SGSM2: variants seen among roughly 807,000 people sequenced by gnomAD.
SGSM2 encodes the protein small G protein signaling modulator 2, also known as RUN and TBC1 domain containing 1.
Under a neutral mutation model 126.6 loss-of-function variants are expected in SGSM2, and 89 were observed. The observed-to-expected ratio is 0.70, with a 90% CI of 0.59 to 0.84. The LOEUF is 0.84. Ranked by LOEUF, SGSM2 falls within the 40% of genes least tolerant of loss-of-function variation. The pLI, the probability that SGSM2 is intolerant of heterozygous loss-of-function variation, is 0.00. For missense variants in SGSM2, 1,404 were observed against 1,416.6 expected (o/e 0.99, Z 0.14); for synonymous variants, 614 against 574.3 (o/e 1.07, Z -0.99).
Position 2,364,880 on chromosome 17 carries a change from T to G in SGSM2, c.1001-17T>G, listed in dbSNP as rs2065485686. The G allele has an allele frequency of 3.1e-6, 5 of 1,605,952 alleles. No homozygotes were observed. In the East Asian group the frequency reaches 1.1e-4, roughly 36 times the overall value. Reference sequence around the variant, plus strand: ...CGACGAGAGGGCCTCAGCCGCACTCTCCACGTTCACCCCCAGAGAGCGGTG... The same window carrying G: ...CGACGAGAGGGCCTCAGCCGCACTCGCCACGTTCACCCCCAGAGAGCGGTG... On this transcript the variant is annotated splice_polypyrimidine_tract_variant and intron_variant, in intron 9 of 23. Transcript: ENST00000268989.
chr17:2,352,845 T>C (rs1239222837), intron 2 of SGSM2, among the ~76,000 whole-genome samples: 15 of 117,776 alleles, frequency 1.3e-4, no homozygotes, highest in South Asian at 3.4e-4. Flanking sequence ...TGGCGCGATC[T>C]CGGCTCACTG....
At position 2,375,628 on chromosome 17, in the gene SGSM2, A is replaced by G; in HGVS notation, c.2237A>G (p.Asp746Gly). 2 of 1,613,300 alleles carry G rather than the reference A, an allele frequency of 1.2e-6. No individual in the cohort carries two copies. Among genetic ancestry groups the G allele is most frequent in the Non-Finnish European group, 1.7e-6 (2 of 1,179,866 alleles). ...VVEQQHSVEF[D>G]SPDSGLPSSR... ...GAGCAGCAGCATTCCGTGGAGTTCG[A>G]CTCTCCAGACTCAGGACTGCCCTCC... Residue 746 changes from aspartate to glycine, a missense_variant, in exon 18 of 24, where the codon GAC (aspartate) becomes GGC (glycine). By Grantham distance (94) the Asp-to-Gly change is moderately conservative. Coordinates refer to ENST00000268989, the MANE Select transcript of SGSM2 (RefSeq NM_014853.3).
At chr17:2,361,582 C>T (rs1193492297) in intron 2 of SGSM2, 55 bp from the exon 3 acceptor site, 19 of 1,584,712 alleles carry the variant, frequency 1.2e-5, no homozygotes, top group Non-Finnish European at 1.5e-5. Context: ...AGGAGCTTTT[C>T]TTCCTGCTCC....
chr17:2,376,249 A>ACGT lies in SGSM2; in HGVS notation c.2599_2601dup (p.Val867dup). ...CCCCCCAACCTCGAGAGGCTCAGAG[A>ACGT]CGTCATGTGCAGGTGCCTTGTGGGG... On this transcript the variant is annotated inframe_insertion, in exon 19 of 24. Transcript: ENST00000268989. The ACGT allele has an allele frequency of 6.2e-7, 1 of 1,613,594 alleles. No homozygotes were observed. The highest frequency in any genetic ancestry group is 2.2e-5 in the East Asian group (1 of 44,862).
intron 2 of SGSM2, 52 bp downstream of exon 2, chr17:2,343,672 T>C: frequency 6.5e-7 from 1 of 1,534,896 alleles, no homozygotes; most frequent in Non-Finnish European, 9.0e-7. Flanking sequence ...CCGAGGACAC[T>C]GGCCTGGGGC....
intron 2 of SGSM2, among the ~76,000 whole-genome samples, chr17:2,346,037 A>G (rs1357100969): frequency 1.3e-5 from 2 of 152,034 alleles, no homozygotes; most frequent in Non-Finnish European, 2.9e-5. Context: ...GCCTTTTTGG[A>G]GATTCTGATG....
chr17:2,345,424 G>A lies in SGSM2; in HGVS notation c.133+1804G>A, dbSNP rs375034992. On this transcript the variant is annotated intron_variant, in intron 2 of 23. Transcript: ENST00000268989. ...ATCCTGGCTAACACGGTGAAACCCC[G>A]TCTCTACTAAAAATACAAAAAATTA... Among the ~76,000 whole-genome samples the A allele has an allele frequency of 8.4e-3, 1,279 of 151,580 alleles. 15 individuals are homozygous for A. The highest frequency in any genetic ancestry group is 0.025 in the African/African-American group (1,052 of 41,324).
Position 2,340,613 on chromosome 17 carries a change from C to T in SGSM2, c.57+2868C>T, listed in dbSNP as rs145046439. Among the ~76,000 whole-genome samples the T allele has an allele frequency of 2.9e-4, 43 of 149,622 alleles. 1 individual carries two copies. In the East Asian group the frequency reaches 8.3e-3, roughly 29 times the overall value. ...TCTTTTTTTTTTTTTGAGATGGAGT[C>T]TCGCTCTGTTGCCCAGGCTGGAGTG... On this transcript the variant is annotated intron_variant, in intron 1 of 23. Transcript: ENST00000268989.
chr17:2,349,348 C>A (rs1261007897), intron 2 of SGSM2, among the ~76,000 whole-genome samples: 1 of 150,900 alleles, frequency 6.6e-6, no homozygotes, highest in Non-Finnish European at 1.5e-5. Context: ...GCACTCCAGC[C>A]TGGGCGACAG....
At position 2,379,091 on chromosome 17, in the gene SGSM2, C is replaced by A; in HGVS notation, c.2955C>A (p.His985Gln). 10 of 1,614,232 alleles carry A rather than the reference C, an allele frequency of 6.2e-6. No homozygotes were observed. The highest frequency in any genetic ancestry group is 8.5e-6 in the Non-Finnish European group (10 of 1,180,030). The stretch of plus-strand genomic sequence containing the variant: ...GGGAGGTGATCTGGGCAGCCAGGCA[C>A]ATCTCATCGGAGCACTTTGTCCTGT... ...AVWEVIWAAR[H>Q]ISSEHFVLFI... Residue 985 changes from histidine to glutamine, a missense_variant, in exon 23 of 24, where the codon CAC becomes CAA. Transcript: ENST00000268989.
chr17:2,355,098 A>G (rs56330213), intron 2 of SGSM2, among the ~76,000 whole-genome samples: 5 of 18,544 alleles, frequency 2.7e-4, no homozygotes, highest in African/African-American at 4.7e-4. Context: ...GGGGGAAGGG[A>G]CCCCATATCT....
In SGSM2 at chr17:2,372,761, A is replaced by G; in HGVS notation, c.1789-192A>G. On this transcript the variant is annotated intron_variant, in intron 15 of 23. Coordinates refer to ENST00000268989, the MANE Select transcript of SGSM2 (RefSeq NM_014853.3). The surrounding 1 kb of genome is among the most constrained non-coding windows in gnomAD (Gnocchi z 6.0). ...GCCATTTCCTGCCCCTTAAGGAAGGAGAGCAGAACGAGATCTCATCCCACT... is the reference window on the plus strand; with the variant it reads ...GCCATTTCCTGCCCCTTAAGGAAGGGGAGCAGAACGAGATCTCATCCCACT... 1.2e-6 allele frequency: 1 copy of G among 849,512 alleles called. No homozygotes were observed. The allele number at this position is 849,512 out of a possible 1,614,324, so 52.6% of individuals were successfully genotyped here. A position where few individuals can be genotyped will look rare whatever the true frequency, so the allele number is the denominator to read the frequency against.
rs757733560 is a variant in SGSM2 at position 2,371,356 on chromosome 17, C to G, written c.1518C>G (p.Ser506=). The stretch of plus-strand genomic sequence containing the variant: ...GCAGTCAGGGCTCCTCCTGCCTCTC[C>G]TGCTCCTCCAGCAGCTCCCCACATG... ...PLCSQGSSCL[S]CSSSSSPHAT... is the part of the protein sequence containing the mutation. The change falls in exon 13 of 24, where the codon TCC becomes TCG. Residue 506 remains serine (S), a synonymous_variant. Coordinates refer to ENST00000268989, the MANE Select transcript of SGSM2 (RefSeq NM_014853.3). 6.2e-7 allele frequency: 1 copy of G among 1,612,342 alleles called. No homozygotes were observed. The highest frequency in any genetic ancestry group is 8.5e-7 in the Non-Finnish European group (1 of 1,179,684).
rs1483751869 is a variant in SGSM2, at chr17:2,338,789, A to ATATATATAT, written c.57+1044_57+1045insTATATATAT. On this transcript the variant is annotated intron_variant, in intron 1 of 23. Transcript: ENST00000268989. ...CCGTCTCCCTAATATATATATATAT[A>ATATATATAT]ACCTCACGCCTGTAATCCCAGCACG... Among the ~76,000 whole-genome samples, 8 of 148,206 alleles carry ATATATATAT rather than the reference A, an allele frequency of 5.4e-5. No homozygotes were observed. In the East Asian group the frequency reaches 6.7e-4, roughly 13 times the overall value.
In SGSM2 at chr17:2,337,781, C is replaced by G; in HGVS notation, c.57+36C>G. On this transcript the variant is annotated intron_variant, in intron 1 of 23. Coordinates refer to ENST00000268989, the MANE Select transcript of SGSM2 (RefSeq NM_014853.3). This position sits in a 1 kb window ranked among gnomAD's most constrained non-coding sequence, Gnocchi z 5.1. ...GTCAAGAACCCCGGGGGGCTCGCGCCCTGGCCCGCGCGGCCCAGGGGGCAG... is the reference window on the plus strand; with the variant it reads ...GTCAAGAACCCCGGGGGGCTCGCGCGCTGGCCCGCGCGGCCCAGGGGGCAG... 1 of 1,477,960 alleles carries G rather than the reference C, an allele frequency of 6.8e-7. No individual in the cohort carries two copies. Among genetic ancestry groups the G allele is most frequent in the East Asian group, 2.9e-5 (1 of 34,716 alleles). The allele number at this position is 1,477,960 out of a possible 1,614,324, so 91.6% of individuals were successfully genotyped here.
In SGSM2 at chr17:2,375,877, T is replaced by C. The variant is rs767119638; in HGVS notation, c.2484+2T>C. 1 of 1,513,302 alleles carries C rather than the reference T, an allele frequency of 6.6e-7. No individual in the cohort carries two copies. Among genetic ancestry groups the C allele is most frequent in the Non-Finnish European group, 8.8e-7 (1 of 1,140,000 alleles). 93.7% of individuals were successfully genotyped at this position (1,513,302 alleles called of 1,614,324 possible). A position where few individuals can be genotyped will look rare whatever the true frequency, so the allele number is the denominator to read the frequency against. ...GCTGTGTGTGCGGCTGCCTACACTGTGCGTACATGCTCCCCAGGCTGTTCC... is the reference window on the plus strand; with the variant it reads ...GCTGTGTGTGCGGCTGCCTACACTGCGCGTACATGCTCCCCAGGCTGTTCC... On this transcript the variant is annotated splice_donor_variant, in intron 18 of 23. Transcript: ENST00000268989. LOFTEE classifies it high-confidence loss of function.
rs780811071 is a variant in SGSM2 at position 2,373,488 on chromosome 17, A to G, written c.2075A>G (p.His692Arg). The change falls in exon 17 of 24, where the codon CAC (histidine) becomes CGC (arginine). Residue 692 changes from histidine (H) to arginine (R), a missense_variant. By Grantham distance (29) the His-to-Arg change is conservative (BLOSUM62 0). Coordinates refer to ENST00000268989, the MANE Select transcript of SGSM2 (RefSeq NM_014853.3). The stretch of plus-strand genomic sequence containing the variant: ...GACAGCCACGTGCAGCGCCTCATCC[A>G]CCGAGACTCCACCATCAGCAACGAT... ...SIDSHVQRLI[H>R]RDSTISNDVF... The G allele has an allele frequency of 5.0e-6, 8 of 1,596,150 alleles. No individual in the cohort carries two copies. The East Asian group carries it at 1.8e-4, about 36-fold the overall frequency.
chr17:2,376,934 C>T (rs1291118513), intron 20 of SGSM2, 25 bp from the exon 21 acceptor site: 1 of 1,606,238 alleles, frequency 6.2e-7, no homozygotes, highest in East Asian at 2.2e-5. Flanking sequence ...CCTGCCCTGC[C>T]AGCTTCACTC....
intron 2 of SGSM2, among the ~76,000 whole-genome samples, chr17:2,360,454 G>A (rs563228625): frequency 1.3e-5 from 2 of 152,294 alleles, no homozygotes; most frequent in South Asian, 2.1e-4. Context: ...TGTCCCTGTC[G>A]GGGAGAGGTC....
Sources: gnomAD v4.1 joint callset for allele counts (sites outside exome capture counted in the v4.1 genomes callset) on GRCh38, gnomAD v4.1.1 for gene constraint, Gnocchi (gnomAD v3.1) non-coding constraint, MANE v1.5 for transcripts, NCBI Gene and HGNC (gene_info 2026-07-23, HGNC 2026-07-21) for gene names.